Variants in KLHL20 observed in about 807,000 individuals in gnomAD.
The protein encoded by KLHL20 is kelch like family member 20.
In KLHL20, 29 loss-of-function variants were observed where a neutral mutation model predicts 69.5. The ratio of observed to expected loss-of-function variants is 0.42; its 90% CI spans 0.31 to 0.57. The LOEUF (loss-of-function observed/expected upper bound fraction) is 0.57, where lower values mean the gene tolerates loss of function less well. KLHL20 is among the 20% of genes least tolerant of loss of function. KLHL20 has a pLI of 0.18. For synonymous variants in KLHL20, 253 were observed against 265.2 expected (o/e 0.95, Z 0.45); for missense variants, 419 against 776.0 (o/e 0.54, Z 5.47).
At chr1:173,734,505 T>G in intron 3 of KLHL20, 1 of 534,600 alleles carries the variant, frequency 1.9e-6, no homozygotes, top group Non-Finnish European at 3.3e-6. Flanking sequence ...CCTAACTGTA[T>G]TCATAAAAGT....
At chr1:173,776,280 A>G (rs948089225) in intron 10 of KLHL20, among the ~76,000 whole-genome samples, 1 of 152,050 alleles carries the variant, frequency 6.6e-6, no homozygotes, top group African/African-American at 2.4e-5. Context: ...TAATTGGATT[A>G]TTAGTTTTTT....
At chr1:173,772,340 C>T (rs1006793278) in intron 8 of KLHL20, among the ~76,000 whole-genome samples, 3 of 152,072 alleles carry the variant, frequency 2.0e-5, no homozygotes, top group African/African-American at 7.2e-5. Flanking sequence ...GAAGATGTTC[C>T]CACTGACCAA....
intron 2 of KLHL20, among the ~76,000 whole-genome samples, chr1:173,720,568 G>A (rs952043468): frequency 2.0e-5 from 3 of 152,214 alleles, no homozygotes; most frequent in African/African-American, 7.2e-5. Flanking sequence ...ATAGGGGATG[G>A]ATTGGAAAGA....
chr1:173,780,218 G>A (rs927922166), intron 10 of KLHL20, among the ~76,000 whole-genome samples: 14 of 152,294 alleles, frequency 9.2e-5, no homozygotes, highest in South Asian at 2.1e-4. Flanking sequence ...TTAAGTGTTC[G>A]CTGTGTGTTG....
chr1:173,783,845 T>C (rs1571945143), intron 11 of KLHL20, among the ~76,000 whole-genome samples: 1 of 149,476 alleles, frequency 6.7e-6, no homozygotes, highest in Non-Finnish European at 1.5e-5. Context: ...GCAGCCTGGG[T>C]GACAGAGCAA....
intron 3 of KLHL20, among the ~76,000 whole-genome samples, chr1:173,745,083 C>G (rs1325697445): frequency 1.3e-5 from 2 of 151,374 alleles, no homozygotes; most frequent in African/African-American, 2.4e-5. Flanking sequence ...TATCCAATAA[C>G]AAGATTTTAT....
chr1:173,748,518 A>G (rs992245763), intron 3 of KLHL20, among the ~76,000 whole-genome samples: 1 of 152,166 alleles, frequency 6.6e-6, no homozygotes, highest in African/African-American at 2.4e-5. Flanking sequence ...AAAATAATCT[A>G]ACTTCTTTAG....
Position 173,733,772 on chromosome 1 carries a change from G to A in KLHL20, c.83G>A (p.Gly28Glu). The stretch of plus-strand genomic sequence containing the variant: ...GATGTAACAAGCCGCTGCACCCTTG[G>A]AGACCCCAACAAACTGCCAGAAGGG... ...GMDVTSRCTL[G>E]DPNKLPEGVP... The change falls in exon 3 of 12, where the codon GGA becomes GAA. Residue 28 changes from glycine to glutamate, a missense_variant. This residue lies in a region of KLHL20 where 129 missense variants were observed against 183.6 expected (regional missense o/e 0.70). Transcript: ENST00000209884. The A allele has an allele frequency of 6.2e-7, 1 of 1,614,098 alleles. No homozygotes were observed. Among genetic ancestry groups the A allele is most frequent in the Non-Finnish European group, 8.5e-7 (1 of 1,180,014 alleles).
Position 173,766,146 on chromosome 1 carries a change from G to A in KLHL20, c.1152G>A (p.Arg384=), listed in dbSNP as rs769174416. 2.5e-6 allele frequency: 4 copies of A among 1,595,746 alleles called. No homozygotes were observed. The South Asian group carries it at 3.4e-5, about 14-fold the overall frequency. The part of the protein sequence containing the change: ...DGSSYLNSVE[R]YDPKTNQWSS... ...TCTCCTCTTGGTATGTTCTTTTCAG[G>A]TATGACCCCAAAACAAACCAGTGGA... Residue 384 remains arginine (R), a splice_region_variant and synonymous_variant, in exon 8 of 12, where the codon AGG becomes AGA. Coordinates refer to ENST00000209884, the MANE Select transcript of KLHL20 (RefSeq NM_014458.4).
chr1:173,754,485 G>A (rs1280401553), intron 5 of KLHL20, among the ~76,000 whole-genome samples: 2 of 151,652 alleles, frequency 1.3e-5, no homozygotes, highest in African/African-American at 2.4e-5. Context: ...TCAGGAGGCT[G>A]AGGCAGGAGA....
Position 173,751,938 on chromosome 1 carries a change from C to A in KLHL20, c.756+16C>A, listed in dbSNP as rs370286719. ...ATTACCCCAGGTAATGATAGAAATT[C>A]TTCTCTAAGAAACTGCTGACCGGGC... On this transcript the variant is annotated intron_variant, in intron 4 of 11. Transcript: ENST00000209884. The A allele has an allele frequency of 6.2e-7, 1 of 1,610,598 alleles. No individual in the cohort carries two copies. The highest frequency in any genetic ancestry group is 8.5e-7 in the Non-Finnish European group (1 of 1,177,968).
At chr1:173,779,905 CATGG>C (rs937483166) in intron 10 of KLHL20, among the ~76,000 whole-genome samples, 4 of 152,104 alleles carry the variant, frequency 2.6e-5, no homozygotes, top group Non-Finnish European at 4.4e-5. Context: ...TGTTCTAGAC[CATGG>C]ATGGCCTGTA....
At chr1:173,735,145 A>G (rs1010476521) in intron 3 of KLHL20, among the ~76,000 whole-genome samples, 12 of 152,174 alleles carry the variant, frequency 7.9e-5, no homozygotes, top group African/African-American at 2.7e-4. Flanking sequence ...TTGATAGACT[A>G]TGTTAAGAAT....
intron 10 of KLHL20, among the ~76,000 whole-genome samples, chr1:173,779,887 C>T (rs1648744378): frequency 6.6e-6 from 1 of 152,134 alleles, no homozygotes; most frequent in Admixed American, 6.5e-5. Flanking sequence ...TCAGACTGCC[C>T]TGGGACATGT....
At chr1:173,768,887 G>A (rs116123447) in intron 8 of KLHL20, among the ~76,000 whole-genome samples, 2,040 of 152,296 alleles carry the variant, frequency 0.013, 13 homozygotes, top group Non-Finnish European at 0.02. Flanking sequence ...CATGATATTA[G>A]TATCTTCAGG....
chr1:173,722,094 C>T (rs372682435), intron 2 of KLHL20, among the ~76,000 whole-genome samples: 1 of 152,040 alleles, frequency 6.6e-6, no homozygotes, highest in Non-Finnish European at 1.5e-5. Context: ...GCACTTGTCA[C>T]ACATGTCACC....
At chr1:173,762,898 A>G (rs1256027257) in intron 7 of KLHL20, among the ~76,000 whole-genome samples, 1 of 152,200 alleles carries the variant, frequency 6.6e-6, no homozygotes, top group Non-Finnish European at 1.5e-5. Flanking sequence ...AGAGAAAGAA[A>G]TAAAGGGCAT....
At chr1:173,777,956 C>G (rs993278996) in intron 10 of KLHL20, among the ~76,000 whole-genome samples, 2 of 152,050 alleles carry the variant, frequency 1.3e-5, no homozygotes, top group Non-Finnish European at 2.9e-5. Flanking sequence ...ACCTCTTCCT[C>G]TATGTTTGGA....
At chr1:173,771,940 T>G (rs1648121138) in intron 8 of KLHL20, among the ~76,000 whole-genome samples, 1 of 152,156 alleles carries the variant, frequency 6.6e-6, no homozygotes, top group Admixed American at 6.5e-5. Context: ...AGGAAATGAG[T>G]ATGCATTATT....
Sources: gnomAD v4.1 joint callset for allele counts (sites outside exome capture counted in the v4.1 genomes callset) on GRCh38, gnomAD v4.1.1 for gene constraint, gnomAD v4.1.1 regional missense constraint, MANE v1.5 for transcripts, NCBI Gene and HGNC (gene_info 2026-07-23, HGNC 2026-07-21) for gene names.